EPN3: variants seen among roughly 807,000 people sequenced by gnomAD.
EPN3 encodes epsin 3.
Under a neutral mutation model 55.5 loss-of-function variants are expected in EPN3, and 56 were observed. That is an observed-to-expected ratio of 1.01 (90% CI 0.81 to 1.26). EPN3 has a LOEUF of 1.26. Ranked by LOEUF, EPN3 falls within the 50% of genes most tolerant of loss-of-function variation. The pLI is 0.00. For synonymous variants in EPN3, 449 were observed against 375.2 expected, an observed-to-expected ratio of 1.20 and a Z score of -2.27; for missense variants, 927 against 853.4, an observed-to-expected ratio of 1.09 and a Z score of -1.07.
chr17:50,541,463 G>C lies in EPN3; in HGVS notation c.1355-1G>C, dbSNP rs749069474. ...AATTAGCTCTAGCATTTCTATTCCA[G>C]AGCTGGACCTGTTTGGAGACCCCAG... is the stretch of plus-strand genomic sequence containing the variant. On this transcript the variant is annotated splice_acceptor_variant, in intron 8 of 9. Transcript: ENST00000268933. LOFTEE classifies it high-confidence loss of function. The C allele has an allele frequency of 1.2e-6, 2 of 1,613,868 alleles. No individual in the cohort carries two copies. Among genetic ancestry groups the C allele is most frequent in the South Asian group, 2.2e-5 (2 of 91,086 alleles).
chr17:50,532,824 G>A lies in EPN3; in HGVS notation c.-298G>A, dbSNP rs1051628920. The A allele has an allele frequency of 1.9e-5, 23 of 1,211,494 alleles. No homozygotes were observed. In the Admixed American group the frequency reaches 5.0e-4, roughly 26 times the overall value. 75.0% of individuals were successfully genotyped at this position (1,211,494 alleles called of 1,614,324 possible). A position where few individuals can be genotyped will look rare whatever the true frequency, so the allele number is the denominator to read the frequency against. ...GACCCTGCCGCTGCCCCTCTGAGGG[G>A]TCTGCACCTCCTGGGAGCAGGTGGG... On this transcript the variant is annotated 5_prime_UTR_variant, in exon 1 of 10. Coordinates refer to ENST00000268933, the MANE Select transcript of EPN3 (RefSeq NM_017957.3).
chr17:50,535,407 C>A (rs968717584), intron 1 of EPN3, among the ~76,000 whole-genome samples: 3 of 152,226 alleles, frequency 2.0e-5, no homozygotes, highest in African/African-American at 7.2e-5. Flanking sequence ...CTCAACACTT[C>A]CATGTGTACG....
Position 50,542,734 on chromosome 17 carries a change from G to T in EPN3, c.*577G>T, listed in dbSNP as rs1042753083. 8 of 152,356 alleles carry T rather than the reference G, an allele frequency of 5.3e-5. No individual in the cohort carries two copies. Among genetic ancestry groups the T allele is most frequent in the African/African-American group, 1.9e-4 (8 of 41,434 alleles). The allele number at this position is 152,356 out of a possible 1,614,324, so 9.4% of individuals were successfully genotyped here. A position where few individuals can be genotyped will look rare whatever the true frequency, so the allele number is the denominator to read the frequency against. Reference sequence around the variant, plus strand: ...TGAGGTAGAAAATATTGTTAATTCCGTTCAGGATCCCGGCTACATAATCTG... The same window carrying T: ...TGAGGTAGAAAATATTGTTAATTCCTTTCAGGATCCCGGCTACATAATCTG... On this transcript the variant is annotated 3_prime_UTR_variant, in exon 10 of 10. Coordinates refer to ENST00000268933, the MANE Select transcript of EPN3 (RefSeq NM_017957.3).
Position 50,536,615 on chromosome 17 carries a change from C to T in EPN3, c.59C>T (p.Ala20Val). The T allele has an allele frequency of 6.2e-7, 1 of 1,614,054 alleles. No individual in the cohort carries two copies. The highest frequency in any genetic ancestry group is 8.5e-7 in the Non-Finnish European group (1 of 1,180,008). ...AACATCGTGCACAACTACTCCGAGGCAGAAATCAAGGTGCGCGAGGCCACC... is the reference window on the plus strand; with the variant it reads ...AACATCGTGCACAACTACTCCGAGGTAGAAATCAAGGTGCGCGAGGCCACC... ...VKNIVHNYSE[A>V]EIKVREATSN... Residue 20 changes from alanine (A) to valine (V), a missense_variant, in exon 2 of 10, where the codon GCA becomes GTA. Transcript: ENST00000268933.
rs1160046590 is a variant in EPN3, at chr17:50,536,448, GC to G, written c.-108del. 1 of 1,557,316 alleles carries G rather than the reference GC, an allele frequency of 6.4e-7. No homozygotes were observed. The highest frequency in any genetic ancestry group is 1.2e-5 in the South Asian group (1 of 83,976). On this transcript the variant is annotated 5_prime_UTR_variant, in exon 2 of 10. It removes the in-frame stop codon of an upstream open reading frame in the 5' UTR. Coordinates refer to ENST00000268933, the MANE Select transcript of EPN3 (RefSeq NM_017957.3). ...CCATGTGGAACCCAAGGATGCAGCT[GC>G]TCTGCTAACACGGCAGCCCATCCTT...
In EPN3 at chr17:50,539,187, G is replaced by A; in HGVS notation, c.763G>A (p.Glu255Lys). ...LRLSRQEHEK[E>K]VRSWQGDGSP... is the part of the protein sequence containing the mutation. ...CTAACTCTTTCTGTGCCTTCTGCAG[G>A]AGGTGAGGTCCTGGCAGGGTGATGG... Residue 255 changes from glutamate (E) to lysine (K), a missense_variant and splice_region_variant, in exon 5 of 10, where the codon GAG becomes AAG. Physicochemically the swap from Glu to Lys is moderately conservative, Grantham distance 56. Coordinates refer to ENST00000268933, the MANE Select transcript of EPN3 (RefSeq NM_017957.3). 6.2e-7 allele frequency: 1 copy of A among 1,613,928 alleles called. No homozygotes were observed. The highest frequency in any genetic ancestry group is 8.5e-7 in the Non-Finnish European group (1 of 1,179,962).
Position 50,541,875 on chromosome 17 carries a change from CGGCGCG to C in EPN3, c.1622_1627del (p.Ala541_Gly542del). 6.2e-7 allele frequency: 1 copy of C among 1,608,624 alleles called. No individual in the cohort carries two copies. The highest frequency in any genetic ancestry group is 8.5e-7 in the Non-Finnish European group (1 of 1,179,974). On this transcript the variant is annotated inframe_deletion, in exon 10 of 10. Transcript: ENST00000268933. ...GCGCTCCGTCCCCCACCAACCCGTT[CGGCGCG>C]GGCGAGCCGGGCAGGCCGACGCTAA...
chr17:50,541,553 G>C lies in EPN3; in HGVS notation c.1444G>C (p.Ala482Pro). The C allele has an allele frequency of 1.2e-6, 2 of 1,614,244 alleles. No individual in the cohort carries two copies. Among genetic ancestry groups the C allele is most frequent in the Non-Finnish European group, 1.7e-6 (2 of 1,180,046 alleles). ...CCTGGACCTGGGCATACTAGGGGAA[G>C]CACTAACCCAGCCAAGCAAAGAGGC... is the stretch of plus-strand genomic sequence containing the variant. ...DALDLGILGE[A>P]LTQPSKEARA... The change falls in exon 9 of 10, where the codon GCA becomes CCA. Residue 482 changes from alanine to proline, a missense_variant. Transcript: ENST00000268933.
intron 4 of EPN3, 45 bp from the exon 5 acceptor site, chr17:50,539,142 C>T (rs200304851): frequency 1.4e-5 from 23 of 1,610,188 alleles, no homozygotes; most frequent in African/African-American, 6.7e-5. Flanking sequence ...CCCGGATTCC[C>T]GCCTGAGCTG....
Position 50,539,221 on chromosome 17 carries a change from T to C in EPN3, c.797T>C (p.Met266Thr), listed in dbSNP as rs150428529. 8.0e-4 allele frequency: 1,294 copies of C among 1,614,070 alleles called. 3 individuals carry two copies. Among genetic ancestry groups the C allele is most frequent in the Non-Finnish European group, 1.0e-3 (1,196 of 1,179,988 alleles). Residue 266 changes from methionine (M) to threonine (T), a missense_variant, in exon 5 of 10, where the codon ATG becomes ACG. By Grantham distance (81) the Met-to-Thr change is moderately conservative. Coordinates refer to ENST00000268933, the MANE Select transcript of EPN3 (RefSeq NM_017957.3). ...TCCTGGCAGGGTGATGGCTCCCCCA[T>C]GGCCAATGGTGCAGGGGCCGTGGTC... Reference protein sequence around the residue: ...VRSWQGDGSPMANGAGAVVHH... With the variant: ...VRSWQGDGSPTANGAGAVVHH...
chr17:50,539,097 G>C, intron 4 of EPN3, 90 bp from the exon 5 acceptor site: 1 of 1,579,188 alleles, frequency 6.3e-7, no homozygotes, highest in African/African-American at 1.3e-5. Context: ...CTCCCACCCT[G>C]CACTCTCTCG....
intron 3 of EPN3, 22 bp downstream of exon 3, chr17:50,538,219 G>T (rs1324743689): frequency 6.3e-7 from 1 of 1,586,756 alleles, no homozygotes; most frequent in Admixed American, 1.7e-5. Context: ...CAGCCCCACT[G>T]CGGTGGGGAG....
At position 50,536,423 on chromosome 17, in the gene EPN3, C is replaced by A. The variant is rs1187392884; in HGVS notation, c.-134C>A. ...GTTCCTGGCCCTCTCTTCCTCAGCC[C>A]CATGTGGAACCCAAGGATGCAGCTG... On this transcript the variant is annotated splice_region_variant and 5_prime_UTR_variant, in exon 2 of 10. Transcript: ENST00000268933. The A allele has an allele frequency of 1.3e-6, 2 of 1,513,630 alleles. No individual in the cohort carries two copies. Among genetic ancestry groups the A allele is most frequent in the Admixed American group, 2.3e-5 (1 of 44,268 alleles). The allele number at this position is 1,513,630 out of a possible 1,614,324, so 93.8% of individuals were successfully genotyped here.
chr17:50,536,079 A>G lies in EPN3; in HGVS notation c.-136-342A>G, dbSNP rs114682220. The G allele has an allele frequency of 8.2e-3, 1,449 of 177,500 alleles. 25 individuals are homozygous for G. Among genetic ancestry groups the G allele is most frequent in the African/African-American group, 0.032 (1,349 of 41,986 alleles). The allele number at this position is 177,500 out of a possible 1,614,324, so 11.0% of individuals were successfully genotyped here. A position where few individuals can be genotyped will look rare whatever the true frequency, so the allele number is the denominator to read the frequency against. ...TGACCATGGCTCACTGCAGCCTCCAACTACTGGCCTCAAGTGATCCTCTTG... is the reference window on the plus strand; with the variant it reads ...TGACCATGGCTCACTGCAGCCTCCAGCTACTGGCCTCAAGTGATCCTCTTG... On this transcript the variant is annotated intron_variant, in intron 1 of 9. Transcript: ENST00000268933.
chr17:50,542,507 C>A lies in EPN3; in HGVS notation c.*350C>A. ...GCTTCCTTTACAGCTCTTCTCAACC[C>A]TCACCTCCATCCCCCGTCACCCAGG... On this transcript the variant is annotated 3_prime_UTR_variant, in exon 10 of 10. Coordinates refer to ENST00000268933, the MANE Select transcript of EPN3 (RefSeq NM_017957.3). 3.9e-6 allele frequency: 1 copy of A among 255,344 alleles called. No individual in the cohort carries two copies. The highest frequency in any genetic ancestry group is 7.4e-6 in the Non-Finnish European group (1 of 135,818). 15.8% of individuals were successfully genotyped at this position (255,344 alleles called of 1,614,324 possible).
chr17:50,532,774 G>C lies in EPN3; in HGVS notation c.-348G>C, dbSNP rs980994623. 1 of 732,818 alleles carries C rather than the reference G, an allele frequency of 1.4e-6. No homozygotes were observed. The highest frequency in any genetic ancestry group is 1.9e-6 in the Non-Finnish European group (1 of 513,782). The allele number at this position is 732,818 out of a possible 1,614,324, so 45.4% of individuals were successfully genotyped here. A position where few individuals can be genotyped will look rare whatever the true frequency, so the allele number is the denominator to read the frequency against. On this transcript the variant is annotated 5_prime_UTR_variant, in exon 1 of 10. Coordinates refer to ENST00000268933, the MANE Select transcript of EPN3 (RefSeq NM_017957.3). Reference sequence around the variant, plus strand: ...CGCTGGCTAGGAGGCAAACGCACGCGGGAAGAGCTGCTACCCATTCCAGGG... The same window carrying C: ...CGCTGGCTAGGAGGCAAACGCACGCCGGAAGAGCTGCTACCCATTCCAGGG...
At chr17:50,537,260 C>A in intron 2 of EPN3, 142 bp downstream of exon 2, 1 of 845,522 alleles carries the variant, frequency 1.2e-6, no homozygotes, top group Non-Finnish European at 1.8e-6. Context: ...ACACGCAAGG[C>A]GCAACACCCG....
intron 3 of EPN3, 40 bp from the exon 4 acceptor site, chr17:50,538,844 G>C: frequency 6.7e-7 from 1 of 1,482,966 alleles, no homozygotes. Flanking sequence ...GTCCCAAGGT[G>C]GGGGTACAGG....
intron 1 of EPN3, chr17:50,534,333 T>C: frequency 4.7e-6 from 4 of 851,130 alleles, no homozygotes; most frequent in Non-Finnish European, 5.6e-6. Context: ...ACACCGAGAG[T>C]CCCCTCCCAG....
Sources: allele counts gnomAD v4.1 joint callset (sites outside exome capture counted in the v4.1 genomes callset), GRCh38; gene constraint gnomAD v4.1.1; transcripts MANE v1.5; gene names NCBI Gene and HGNC (gene_info 2026-07-23, HGNC 2026-07-21).